GALNT13: variants seen among roughly 807,000 people sequenced by gnomAD.
The protein encoded by GALNT13 is polypeptide N-acetylgalactosaminyltransferase 13, also known as UDP-GalNAc:polypeptide N-acetylgalactosaminyltransferase 13.
In GALNT13, 28 loss-of-function variants were observed where a neutral mutation model predicts 64.2. The observed-to-expected ratio is 0.44, with a 90% confidence interval of 0.32 to 0.60. GALNT13 has a LOEUF of 0.60. Among genes scored for constraint, GALNT13 ranks in the 20% least tolerant of loss-of-function variants. GALNT13 has a pLI of 0.05. For synonymous variants in GALNT13, 214 were observed against 224.6 expected (o/e 0.95, Z 0.42); for missense variants, 577 against 669.8 (o/e 0.86, Z 1.53).
chr2:153,277,399 G>A, the GALNT13 span, among the ~76,000 whole-genome samples: 3 of 151,988 alleles, frequency 2.0e-5, no homozygotes, highest in Admixed American at 6.6e-5. Context: ...TCTCTTTTCC[G>A]GCTGTGTCGT....
chr2:153,966,724 G>A (rs1693386847), intron 3 of GALNT13, among the ~76,000 whole-genome samples: 1 of 151,640 alleles, frequency 6.6e-6, no homozygotes, highest in African/African-American at 2.4e-5. Context: ...ATGCTTTAAG[G>A]TAATCTTATT....
At chr2:154,080,391 T>C (rs1701213088) in intron 3 of GALNT13, among the ~76,000 whole-genome samples, 1 of 151,632 alleles carries the variant, frequency 6.6e-6, no homozygotes, top group Non-Finnish European at 1.5e-5. Context: ...CTTTAACATT[T>C]AATGAAGTAA....
At chr2:154,034,353 A>G (rs1362891842) in intron 3 of GALNT13, among the ~76,000 whole-genome samples, 4 of 152,324 alleles carry the variant, frequency 2.6e-5, no homozygotes, top group South Asian at 2.1e-4. Context: ...TATATGACAT[A>G]TTGGAAAATA....
chr2:154,024,939 G>A (rs985273622), intron 3 of GALNT13, among the ~76,000 whole-genome samples: 8 of 152,260 alleles, frequency 5.3e-5, no homozygotes, highest in Admixed American at 4.6e-4. Flanking sequence ...CAGGTCTGTT[G>A]GAGTTTGCTA....
At chr2:153,516,322 A>G in the GALNT13 span, among the ~76,000 whole-genome samples, 1 of 152,202 alleles carries the variant, frequency 6.6e-6, no homozygotes. Context: ...TGAGCGAATT[A>G]TCTTACTGGA....
the GALNT13 span, among the ~76,000 whole-genome samples, chr2:153,533,717 G>GTTTTTTTTTTTTTTT: frequency 1.7e-4 from 4 of 24,050 alleles, no homozygotes; most frequent in South Asian, 1.3e-3. Flanking sequence ...ATATCCTGAG[G>GTTTTTTTTTTTTTTT]TTTTTCTTTT....
intron 2 of GALNT13, chr2:153,926,324 G>A (rs1190944614): frequency 6.6e-6 from 1 of 151,962 alleles, no homozygotes; most frequent in Admixed American, 6.6e-5. Context: ...GGCTGCAATG[G>A]TGGGAATAGT....
chr2:153,631,443 C>T, the GALNT13 span, among the ~76,000 whole-genome samples: 1 of 152,182 alleles, frequency 6.6e-6, no homozygotes, highest in East Asian at 1.9e-4. Flanking sequence ...TAAAGGTGTT[C>T]CTATTTCTCC....
the GALNT13 span, among the ~76,000 whole-genome samples, chr2:153,698,473 G>T: frequency 1.3e-5 from 2 of 152,144 alleles, no homozygotes; most frequent in African/African-American, 4.8e-5. Flanking sequence ...CTTTAAACTA[G>T]CAAAGATCAA....
the GALNT13 span, among the ~76,000 whole-genome samples, chr2:153,170,477 CAT>C: frequency 1.3e-5 from 2 of 152,100 alleles, no homozygotes; most frequent in Non-Finnish European, 2.9e-5. Flanking sequence ...GATATGTAAA[CAT>C]GTGTTATAGC....
the GALNT13 span, among the ~76,000 whole-genome samples, chr2:153,588,081 A>G: frequency 2.0e-5 from 3 of 152,136 alleles, no homozygotes; most frequent in Non-Finnish European, 4.4e-5. Context: ...GATGCAAAAG[A>G]TGGTTCTCAT....
At chr2:154,279,458 A>G (rs1289453668) in intron 8 of GALNT13, among the ~76,000 whole-genome samples, 2 of 152,200 alleles carry the variant, frequency 1.3e-5, no homozygotes, top group African/African-American at 4.8e-5. Flanking sequence ...GAGGCAAGAG[A>G]TTATTTTCAG....
intron 4 of GALNT13, among the ~76,000 whole-genome samples, chr2:154,178,191 A>T (rs1398362047): frequency 1.3e-5 from 2 of 152,138 alleles, no homozygotes; most frequent in East Asian, 3.9e-4. Context: ...AACTTGCTGG[A>T]GGTCACACAA....
At chr2:154,039,926 G>C (rs66555255) in intron 3 of GALNT13, among the ~76,000 whole-genome samples, 1 of 139,790 alleles carries the variant, frequency 7.2e-6, no homozygotes, top group African/African-American at 2.5e-5. Flanking sequence ...AAAGAAAAAA[G>C]TGTCTATAAT....
the GALNT13 span, among the ~76,000 whole-genome samples, chr2:153,287,534 C>T: frequency 6.6e-6 from 1 of 152,016 alleles, no homozygotes; most frequent in African/African-American, 2.4e-5. Context: ...AATGGTGAGC[C>T]GGAAGAGGAA....
chr2:153,511,849 G>C, the GALNT13 span, among the ~76,000 whole-genome samples: 3 of 152,172 alleles, frequency 2.0e-5, no homozygotes, highest in Admixed American at 6.5e-5. Context: ...GGAAATGAGA[G>C]GTAGGGATAG....
At chr2:154,165,447 G>C (rs549260629) in intron 4 of GALNT13, among the ~76,000 whole-genome samples, 3 of 151,860 alleles carry the variant, frequency 2.0e-5, no homozygotes, top group African/African-American at 7.3e-5. Context: ...ACATGCTTAC[G>C]CTTACAGCCT....
At chr2:153,090,594 C>T in the GALNT13 span, among the ~76,000 whole-genome samples, 3 of 152,130 alleles carry the variant, frequency 2.0e-5, no homozygotes, top group Non-Finnish European at 4.4e-5. Flanking sequence ...GGAGGTGGTG[C>T]TTTCAAGAGA....
At chr2:154,150,002 T>G (rs1377231966) in intron 4 of GALNT13, among the ~76,000 whole-genome samples, 1 of 152,192 alleles carries the variant, frequency 6.6e-6, no homozygotes, top group Non-Finnish European at 1.5e-5. Context: ...CCCTGTCTTG[T>G]GCCCGTTTTC....
Sources: gnomAD v4.1 joint callset for allele counts (sites outside exome capture counted in the v4.1 genomes callset) on GRCh38, gnomAD v4.1.1 for gene constraint, MANE v1.5 for transcripts, NCBI Gene and HGNC (gene_info 2026-07-23, HGNC 2026-07-21) for gene names.